OCEL1: variants seen among roughly 807,000 people sequenced by gnomAD.
OCEL1 encodes the protein occludin/ELL domain containing 1, also known as occludin/ELL domain-containing protein 1.
OCEL1 carries 24 observed loss-of-function variants against 29.4 expected under a neutral mutation model. That is an observed-to-expected ratio of 0.82 (90% confidence interval 0.59 to 1.15). The LOEUF (loss-of-function observed/expected upper bound fraction) is 1.15. Among genes scored for constraint, OCEL1 ranks in the 50% most tolerant of loss-of-function variants. The pLI, the probability that OCEL1 is intolerant of heterozygous loss-of-function variation, is 0.00. For synonymous variants in OCEL1, 172 were observed against 145.3 expected, an observed-to-expected ratio of 1.18 and a Z score of -1.32; for missense variants, 402 against 352.5, an observed-to-expected ratio of 1.14 and a Z score of -1.13.
In OCEL1 at chr19:17,229,070, T is replaced by G; in HGVS notation, c.*145T>G. On this transcript the variant is annotated 3_prime_UTR_variant, in exon 6 of 6. Coordinates refer to ENST00000215061, the MANE Select transcript of OCEL1 (RefSeq NM_024578.3). Reference sequence around the variant, plus strand: ...AATGCCTCTTCAGTTTGGACTCAGCTCTGACAGCCCCTCCTCCAGGAAGGC... The same window carrying G: ...AATGCCTCTTCAGTTTGGACTCAGCGCTGACAGCCCCTCCTCCAGGAAGGC... 1.1e-6 allele frequency: 1 copy of G among 895,700 alleles called. No individual in the cohort carries two copies. Among genetic ancestry groups the G allele is most frequent in the African/African-American group, 1.7e-5 (1 of 59,494 alleles). 55.5% of individuals were successfully genotyped at this position (895,700 alleles called of 1,614,324 possible).
At position 17,226,301 on chromosome 19, in the gene OCEL1, C is replaced by T; in HGVS notation, c.54C>T (p.Leu18=). 6.2e-7 allele frequency: 1 copy of T among 1,612,188 alleles called. No individual in the cohort carries two copies. The highest frequency in any genetic ancestry group is 1.1e-5 in the South Asian group (1 of 90,836). ...ASPTADPGSE[L]QTLGQAARRP... ...CGACAGCAGATCCAGGCTCGGAGCT[C>T]CAGACGCTGGGACAGGTGACCCGGG... Residue 18 remains leucine, a synonymous_variant, in exon 1 of 6, where the codon CTC becomes CTT. Coordinates refer to ENST00000215061, the MANE Select transcript of OCEL1 (RefSeq NM_024578.3).
rs1335098880 is a variant in OCEL1 at position 17,227,971 on chromosome 19, C to T, written c.584C>T (p.Ala195Val). ...CAGGCAAAGCTCAGGCAGCTGGAGG[C>T]CCTGCTGAGCTCCCTGCCCCCACCC... is the stretch of plus-strand genomic sequence containing the variant. ...CAQAKLRQLEALLSSLPPPQS... is the reference protein window; with the variant it reads ...CAQAKLRQLEVLLSSLPPPQS... Residue 195 changes from alanine to valine, a missense_variant, in exon 4 of 6, where the codon GCC (alanine) becomes GTC (valine). By Grantham distance (64) the Ala-to-Val change is moderately conservative. Coordinates refer to ENST00000215061, the MANE Select transcript of OCEL1 (RefSeq NM_024578.3). The T allele has an allele frequency of 1.1e-5, 17 of 1,612,380 alleles. No homozygotes were observed. Among genetic ancestry groups the T allele is most frequent in the Non-Finnish European group, 1.4e-5 (17 of 1,179,994 alleles).
intron 1 of OCEL1, 48 bp from the exon 2 acceptor site, chr19:17,226,645 T>C (rs1173915790): frequency 1.4e-6 from 2 of 1,422,250 alleles, no homozygotes; most frequent in South Asian, 1.5e-5. Flanking sequence ...GCGCGTCCTT[T>C]CTCCGTGCGC....
At position 17,227,199 on chromosome 19, in the gene OCEL1, TGTGA is replaced by T; in HGVS notation, c.452+4_452+7del. The T allele has an allele frequency of 2.7e-6, 4 of 1,486,948 alleles. No homozygotes were observed. The highest frequency in any genetic ancestry group is 3.6e-6 in the Non-Finnish European group (4 of 1,121,848). The allele number at this position is 1,486,948 out of a possible 1,614,324, so 92.1% of individuals were successfully genotyped here. Reference sequence around the variant, plus strand: ...CCCCACCCAGTGCCCGACTATGAGCTGTGAGTGTCCCCCATGTGATTCTTCATGC... The same window carrying T: ...CCCCACCCAGTGCCCGACTATGAGCTGTGTCCCCCATGTGATTCTTCATGC... On this transcript the variant is annotated splice_donor_variant and splice_donor_region_variant and intron_variant, in intron 3 of 5. Coordinates refer to ENST00000215061, the MANE Select transcript of OCEL1 (RefSeq NM_024578.3). LOFTEE classifies it high-confidence loss of function.
chr19:17,226,976 C>A lies in OCEL1; in HGVS notation c.247-18C>A, dbSNP rs1345890978. 3 of 1,568,374 alleles carry A rather than the reference C, an allele frequency of 1.9e-6. No homozygotes were observed. The highest frequency in any genetic ancestry group is 2.6e-6 in the Non-Finnish European group (3 of 1,162,768). ...CCCGACACCCCGATTTAACTCCAGA[C>A]CACGATTCCTGTGGCAGCTGCAGGG... On this transcript the variant is annotated intron_variant, in intron 2 of 5. Transcript: ENST00000215061.
chr19:17,226,802 G>T lies in OCEL1; in HGVS notation c.179G>T (p.Arg60Leu). 1 of 1,593,732 alleles carries T rather than the reference G, an allele frequency of 6.3e-7. No individual in the cohort carries two copies. The highest frequency in any genetic ancestry group is 1.8e-4 in the Middle Eastern group (1 of 5,612). ...SCFSRRPMPT[R>L]EPPKTRGSRG... ...TTCTCCCGGAGGCCGATGCCCACCC[G>T]GGAGCCCCCAAAGACTCGCGGCTCC... is the stretch of plus-strand genomic sequence containing the variant. The change falls in exon 2 of 6, where the codon CGG (arginine) becomes CTG (leucine). Residue 60 changes from arginine to leucine, a missense_variant. Transcript: ENST00000215061.
chr19:17,226,537 G>T (rs986451904), intron 1 of OCEL1, 156 bp from the exon 2 acceptor site: 58 of 946,142 alleles, frequency 6.1e-5, no homozygotes, highest in Admixed American at 8.8e-5. Flanking sequence ...TCTGGACGTC[G>T]CTGCGGACCA....
At position 17,226,715 on chromosome 19, in the gene OCEL1, C is replaced by A; in HGVS notation, c.92C>A (p.Pro31Gln). 1 of 1,514,160 alleles carries A rather than the reference C, an allele frequency of 6.6e-7. No homozygotes were observed. The highest frequency in any genetic ancestry group is 8.8e-7 in the Non-Finnish European group (1 of 1,139,638). The allele number at this position is 1,514,160 out of a possible 1,614,324, so 93.8% of individuals were successfully genotyped here. The change falls in exon 2 of 6, where the codon CCG becomes CAG. Residue 31 changes from proline to glutamine, a missense_variant. Physicochemically the swap from Pro to Gln is moderately conservative, Grantham distance 76 (BLOSUM62 -1). Coordinates refer to ENST00000215061, the MANE Select transcript of OCEL1 (RefSeq NM_024578.3). ...CAGGCCGCCCGCAGACCACCCCCGC[C>A]GCGCGCGGGACACGACGCCCCCCGC... ...LGQAARRPPP[P>Q]RAGHDAPRRT...
rs1227261120 is a variant in OCEL1 at position 17,226,732 on chromosome 19, G to GC, written c.115dup (p.Arg39ProfsTer79). 38 of 1,538,808 alleles carry GC rather than the reference G, an allele frequency of 2.5e-5. No individual in the cohort carries two copies. Among genetic ancestry groups the GC allele is most frequent in the Non-Finnish European group, 2.9e-5 (33 of 1,149,894 alleles). On this transcript the variant is annotated frameshift_variant, in exon 2 of 6. Transcript: ENST00000215061. LOFTEE classifies it high-confidence loss of function. ...ACCCCCGCCGCGCGCGGGACACGAC[G>GC]CCCCCCGCAGGACCCGCCCATCAGC...
In OCEL1 at chr19:17,228,295, G is replaced by A. The variant is rs1420980835; in HGVS notation, c.658G>A (p.Glu220Lys). Residue 220 changes from glutamate (E) to lysine (K), a missense_variant, in exon 5 of 6, where the codon GAG (glutamate) becomes AAG (lysine). Coordinates refer to ENST00000215061, the MANE Select transcript of OCEL1 (RefSeq NM_024578.3). ...QVAARVWREF[E>K]MKRMDPGFLD... ...TGCAGCCCGGGTTTGGAGGGAGTTT[G>A]AGATGAAGCGAATGGTGAGTCTTGC... The A allele has an allele frequency of 6.2e-7, 1 of 1,614,002 alleles. No homozygotes were observed. The highest frequency in any genetic ancestry group is 2.2e-5 in the East Asian group (1 of 44,896).
intron 5 of OCEL1, 48 bp downstream of exon 5, chr19:17,228,357 T>C (rs935875101): frequency 2.5e-6 from 4 of 1,581,922 alleles, no homozygotes; most frequent in African/African-American, 2.7e-5. Flanking sequence ...GAGACTTCTG[T>C]GAGGCTGGGG....
At position 17,226,269 on chromosome 19, in the gene OCEL1, G is replaced by C. The variant is rs746904278; in HGVS notation, c.22G>C (p.Ala8Pro). 1.9e-6 allele frequency: 3 copies of C among 1,612,234 alleles called. No homozygotes were observed. The East Asian group carries it at 6.7e-5, about 36-fold the overall frequency. MHNPDGS[A>P]SPTADPGSEL... ...GTAAATGCACAACCCGGACGGAAGT[G>C]CCTCTCCGACAGCAGATCCAGGCTC... The change falls in exon 1 of 6, where the codon GCC (alanine) becomes CCC (proline). Residue 8 changes from alanine (A) to proline (P), a missense_variant. Ala to Pro is a conservative substitution (Grantham distance 27, BLOSUM62 -1). Transcript: ENST00000215061.
intron 3 of OCEL1, among the ~76,000 whole-genome samples, chr19:17,227,527 C>T (rs1029810100): frequency 1.3e-5 from 2 of 152,068 alleles, no homozygotes; most frequent in African/African-American, 4.8e-5. Context: ...CCCGTCTCTA[C>T]TAAAAACACA....
Position 17,228,298 on chromosome 19 carries a change from A to T in OCEL1, c.661A>T (p.Met221Leu). ...VAARVWREFE[M>L]KRMDPGFLDK... is the part of the protein sequence containing the mutation. ...AGCCCGGGTTTGGAGGGAGTTTGAG[A>T]TGAAGCGAATGGTGAGTCTTGCATC... Residue 221 changes from methionine (M) to leucine (L), a missense_variant, in exon 5 of 6, where the codon ATG (methionine) becomes TTG (leucine). Transcript: ENST00000215061. The T allele has an allele frequency of 6.2e-7, 1 of 1,613,990 alleles. No homozygotes were observed. The highest frequency in any genetic ancestry group is 8.5e-7 in the Non-Finnish European group (1 of 1,179,982).
rs777371077 is a variant in OCEL1, at chr19:17,228,838, C to T, written c.708C>T (p.His236=). ...PGFLDKQARC[H]YLKGKLRHLK... is the part of the protein sequence containing the mutation. ...TCCTGGACAAGCAGGCTCGCTGCCA[C>T]TACCTGAAGGGTAAACTGAGGCATC... Residue 236 remains histidine (H), a synonymous_variant, in exon 6 of 6, where the codon CAC becomes CAT. Transcript: ENST00000215061. 2 of 1,613,848 alleles carry T rather than the reference C, an allele frequency of 1.2e-6. No homozygotes were observed. Among genetic ancestry groups the T allele is most frequent in the Non-Finnish European group, 8.5e-7 (1 of 1,179,966 alleles).
Position 17,228,878 on chromosome 19 carries a change from C to G in OCEL1, c.748C>G (p.Gln250Glu). 4 of 1,613,862 alleles carry G rather than the reference C, an allele frequency of 2.5e-6. No individual in the cohort carries two copies. Among genetic ancestry groups the G allele is most frequent in the African/African-American group, 2.7e-5 (2 of 75,056 alleles). The change falls in exon 6 of 6, where the codon CAG (glutamine) becomes GAG (glutamate). Residue 250 changes from glutamine (Q) to glutamate (E), a missense_variant. Gln to Glu is a conservative substitution (Grantham distance 29, BLOSUM62 2). Coordinates refer to ENST00000215061, the MANE Select transcript of OCEL1 (RefSeq NM_024578.3). ...GKLRHLKTQI[Q>E]KFDDQGDSEG... The stretch of plus-strand genomic sequence containing the variant: ...ACTGAGGCATCTCAAGACTCAGATC[C>G]AGAAATTCGATGACCAAGGAGACAG...
Position 17,229,082 on chromosome 19 carries a change from T to C in OCEL1, c.*157T>C. 1.3e-6 allele frequency: 1 copy of C among 791,016 alleles called. No individual in the cohort carries two copies. Among genetic ancestry groups the C allele is most frequent in the Non-Finnish European group, 1.9e-6 (1 of 527,602 alleles). The allele number at this position is 791,016 out of a possible 1,614,324, so 49.0% of individuals were successfully genotyped here. ...GTTTGGACTCAGCTCTGACAGCCCCTCCTCCAGGAAGGCCTTCCAGGACTT... is the reference window on the plus strand; with the variant it reads ...GTTTGGACTCAGCTCTGACAGCCCCCCCTCCAGGAAGGCCTTCCAGGACTT... On this transcript the variant is annotated 3_prime_UTR_variant, in exon 6 of 6. Coordinates refer to ENST00000215061, the MANE Select transcript of OCEL1 (RefSeq NM_024578.3).
rs1030139755 is a variant in OCEL1 at position 17,226,552 on chromosome 19, C to T, written c.70-141C>T. ...TCTGGACGTCGCTGCGGACCAATCG[C>T]GTGCGTCTATGCAAATAGCGGTCGT... On this transcript the variant is annotated intron_variant, in intron 1 of 5. Transcript: ENST00000215061. 5.0e-6 allele frequency: 5 copies of T among 1,001,040 alleles called. No individual in the cohort carries two copies. The African/African-American group carries it at 6.5e-5, about 13-fold the overall frequency. The allele number at this position is 1,001,040 out of a possible 1,614,324, so 62.0% of individuals were successfully genotyped here.
intron 1 of OCEL1, 52 bp from the exon 2 acceptor site, chr19:17,226,641 C>T: frequency 1.1e-5 from 16 of 1,420,466 alleles, no homozygotes; most frequent in South Asian, 3.0e-5. Flanking sequence ...GCCCGCGCGT[C>T]CTTTCTCCGT....
Sources: allele counts gnomAD v4.1 joint callset (sites outside exome capture counted in the v4.1 genomes callset), GRCh38; gene constraint gnomAD v4.1.1; transcripts MANE v1.5; gene names NCBI Gene and HGNC (gene_info 2026-07-23, HGNC 2026-07-21).